The following PAFAH2 variants were observed in gnomAD, a reference collection of about 807,000 sequenced individuals.
PAFAH2 encodes platelet activating factor acetylhydrolase 2.
PAFAH2 carries 42 observed loss-of-function variants against 49.0 expected under a neutral mutation model. That is an observed-to-expected ratio of 0.86 (90% CI 0.67 to 1.11). PAFAH2 has a LOEUF of 1.11. Ranked by LOEUF, PAFAH2 falls within the 50% of genes least tolerant of loss-of-function variation. The pLI is 0.00. For synonymous variants in PAFAH2, 184 were observed against 181.3 expected, an observed-to-expected ratio of 1.01 and a Z score of -0.12; for missense variants, 503 against 501.8, an observed-to-expected ratio of 1.00 and a Z score of -0.02.
chr1:25,968,304 C>T (rs1284399926), intron 10 of PAFAH2, among the ~76,000 whole-genome samples: 1 of 151,898 alleles, frequency 6.6e-6, no homozygotes, highest in Admixed American at 6.6e-5. Context: ...CTCTAGTAAC[C>T]GAAAGGAAAG....
At chr1:25,980,252 G>C (rs182330752) in intron 7 of PAFAH2, among the ~76,000 whole-genome samples, 2 of 152,284 alleles carry the variant, frequency 1.3e-5, no homozygotes, top group Admixed American at 1.3e-4. Context: ...AAAGAGGTAT[G>C]AATGCTTACT....
At chr1:25,987,292 T>TAAAAA (rs1233547739) in intron 4 of PAFAH2, among the ~76,000 whole-genome samples, 1 of 130,564 alleles carries the variant, frequency 7.7e-6, no homozygotes, top group East Asian at 2.5e-4. Context: ...TAAAATAAAA[T>TAAAAA]AAAAAGATCT....
chr1:25,968,682 A>T (rs76299705), intron 10 of PAFAH2, among the ~76,000 whole-genome samples: 2,074 of 152,174 alleles, frequency 0.014, 51 homozygotes, highest in African/African-American at 0.048. Context: ...TGCCTACTAA[A>T]AGCTTTTCTC....
chr1:25,962,317 G>A (rs932255356), intron 10 of PAFAH2, among the ~76,000 whole-genome samples: 2 of 152,090 alleles, frequency 1.3e-5, no homozygotes, highest in Admixed American at 6.5e-5. Context: ...ATAACAGAGG[G>A]TAACATTTAT....
chr1:25,982,936 G>T (rs2049712854), intron 6 of PAFAH2, among the ~76,000 whole-genome samples: 1 of 152,044 alleles, frequency 6.6e-6, no homozygotes, highest in Non-Finnish European at 1.5e-5. Context: ...TTTCTGGTGG[G>T]AACTTCCCAT....
At chr1:25,963,479 G>A (rs186613476) in intron 10 of PAFAH2, among the ~76,000 whole-genome samples, 2 of 152,190 alleles carry the variant, frequency 1.3e-5, no homozygotes, top group East Asian at 3.9e-4. Flanking sequence ...GGAGTGAAGG[G>A]AGAAAGGAAG....
intron 4 of PAFAH2, among the ~76,000 whole-genome samples, 164 bp from the exon 5 acceptor site, chr1:25,984,692 ATATTTAAGTCAC>A (rs2049753689): frequency 6.6e-6 from 1 of 152,186 alleles, no homozygotes; most frequent in East Asian, 1.9e-4. Context: ...AAACATTACC[ATATTTAAGTCAC>A]TATTATTTGG....
At position 25,976,771 on chromosome 1, in the gene PAFAH2, G is replaced by T. The variant is rs1205809233; in HGVS notation, c.669C>A (p.Gly223=). The T allele has an allele frequency of 6.2e-7, 1 of 1,613,526 alleles. No homozygotes were observed. Among genetic ancestry groups the T allele is most frequent in the South Asian group, 1.1e-5 (1 of 91,060 alleles). Residue 223 remains glycine, a splice_region_variant and synonymous_variant, in exon 8 of 11, where the codon GGC becomes GGA. Transcript: ENST00000374282. ...CAGCCACACGGCTCATGTCAATGTT[G>T]CCCTGAGGAAAGTGGAGAACTTAGC... ...PGGLDLMTLK[G]NIDMSRVAVM...
intron 4 of PAFAH2, among the ~76,000 whole-genome samples, chr1:25,987,622 T>A (rs972611281): frequency 9.9e-5 from 15 of 151,716 alleles, no homozygotes; most frequent in African/African-American, 3.6e-4. Flanking sequence ...CTCATGCCTA[T>A]AATCTCAGCA....
chr1:25,992,690 G>C (rs976072510), intron 1 of PAFAH2, among the ~76,000 whole-genome samples: 4 of 152,158 alleles, frequency 2.6e-5, no homozygotes, highest in Admixed American at 2.0e-4. Flanking sequence ...GCCAGAATTC[G>C]ATCATGGACA....
At chr1:25,963,473 T>C (rs559724126) in intron 10 of PAFAH2, among the ~76,000 whole-genome samples, 44 of 151,212 alleles carry the variant, frequency 2.9e-4, no homozygotes, top group South Asian at 1.3e-3. Flanking sequence ...GGGGTTGGAG[T>C]GAAGGGAGAA....
chr1:25,975,121 G>T (rs1444650752), intron 8 of PAFAH2, among the ~76,000 whole-genome samples: 1 of 152,186 alleles, frequency 6.6e-6, no homozygotes, highest in Non-Finnish European at 1.5e-5. Context: ...TGTGAGGTCA[G>T]GAAAAGCCTC....
chr1:25,979,124 T>C (rs1300255009), intron 7 of PAFAH2, among the ~76,000 whole-genome samples: 1 of 152,256 alleles, frequency 6.6e-6, no homozygotes, highest in Non-Finnish European at 1.5e-5. Flanking sequence ...ATGGGACAAT[T>C]TGTATTCTCA....
chr1:25,969,788 G>A (rs2049479647), intron 10 of PAFAH2, among the ~76,000 whole-genome samples: 1 of 152,122 alleles, frequency 6.6e-6, no homozygotes, highest in Non-Finnish European at 1.5e-5. Context: ...TCGTGCCATG[G>A]TGGGCTTCCC....
chr1:25,989,425 G>T, intron 3 of PAFAH2, 23 bp downstream of exon 3: 1 of 1,547,232 alleles, frequency 6.5e-7, no homozygotes, highest in Non-Finnish European at 8.7e-7. Flanking sequence ...GGGAAAGCAT[G>T]CAGAGGTCAG....
chr1:25,983,022 T>G (rs1179456214), intron 6 of PAFAH2, among the ~76,000 whole-genome samples: 1 of 152,130 alleles, frequency 6.6e-6, no homozygotes, highest in Non-Finnish European at 1.5e-5. Flanking sequence ...GGTAAGGGAC[T>G]GAGGGAGCAA....
intron 8 of PAFAH2, among the ~76,000 whole-genome samples, chr1:25,975,110 A>C (rs1423906818): frequency 1.3e-5 from 2 of 152,196 alleles, no homozygotes; most frequent in Non-Finnish European, 2.9e-5. Context: ...ACAAGGTTCT[A>C]TGTGAGGTCA....
chr1:25,982,389 C>G lies in PAFAH2; in HGVS notation c.641G>C (p.Gly214Ala), dbSNP rs866478515. ...CTTCAAAGTCATCAGATCCAAGCCA[C>G]CAGGCAAGATGTTGAAGACAGTCTG... ...AGQTVFNILP[G>A]GLDLMTLKGN... is the part of the protein sequence containing the mutation. The change falls in exon 7 of 11, where the codon GGT becomes GCT. Residue 214 changes from glycine to alanine, a missense_variant. Gly to Ala is a moderately conservative substitution (Grantham distance 60, BLOSUM62 0). Transcript: ENST00000374282. The G allele has an allele frequency of 2.5e-6, 4 of 1,613,868 alleles. 1 individual carries two copies. The highest frequency in any genetic ancestry group is 1.6e-4 in the Middle Eastern group (1 of 6,084).
intron 7 of PAFAH2, 80 bp downstream of exon 7, chr1:25,982,284 C>T (rs998483122): frequency 2.4e-5 from 24 of 1,015,616 alleles, no homozygotes; most frequent in Non-Finnish European, 3.6e-5. Context: ...TTGGTTCATA[C>T]CAGTTAGTTA....
Sources: allele counts gnomAD v4.1 joint callset (sites outside exome capture counted in the v4.1 genomes callset), GRCh38; gene constraint gnomAD v4.1.1; transcripts MANE v1.5; gene names NCBI Gene and HGNC (gene_info 2026-07-23, HGNC 2026-07-21).